Variants in EFHB observed in about 807,000 individuals in gnomAD.
EFHB encodes the protein EF-hand domain-containing family member B.
A neutral mutation model predicts 87.2 loss-of-function variants in EFHB; 91 were observed. The observed-to-expected ratio is 1.04, with a 90% CI of 0.88 to 1.24. The LOEUF (loss-of-function observed/expected upper bound fraction) is 1.24. Among genes scored for constraint, EFHB ranks in the 50% most tolerant of loss-of-function variants. The pLI, the probability that EFHB is intolerant of heterozygous loss-of-function variation, is 0.00. For synonymous variants in EFHB, 325 were observed against 333.6 expected (o/e 0.97, Z 0.28); for missense variants, 1,084 against 998.8 (o/e 1.09, Z -1.15).
rs747162397 is a variant in EFHB at position 19,933,421 on chromosome 3, C to A, written c.598G>T (p.Glu200Ter). 5.0e-6 allele frequency: 8 copies of A among 1,613,982 alleles called. No individual in the cohort carries two copies. The highest frequency in any genetic ancestry group is 5.9e-6 in the Non-Finnish European group (7 of 1,179,890). Residue 200 changes from glutamate to a stop codon, truncating the protein, a stop_gained, in exon 1 of 13, where the codon GAG becomes TAG. Transcript: ENST00000295824. LOFTEE classifies it high-confidence loss of function. ...GTATTCTTAGTCTCATCTGGCCCCT[C>A]GGCTTGGGTTAGTCCAATGTCCACC... ...VEVDIGLTQA[E>*]GPDETKNTEP...
intron 1 of EFHB, chr3:19,941,238 C>A: frequency 3.2e-6 from 1 of 312,372 alleles, no homozygotes; most frequent in East Asian, 8.1e-5. Context: ...CTATAGGGTC[C>A]AGGTGTCACA....
chr3:19,883,531 G>A (rs1217117996), intron 11 of EFHB, among the ~76,000 whole-genome samples: 1 of 152,102 alleles, frequency 6.6e-6, no homozygotes, highest in African/African-American at 2.4e-5. Flanking sequence ...TATTCATCAT[G>A]CTTCATATTG....
intron 7 of EFHB, 77 bp downstream of exon 7, chr3:19,899,355 C>T: frequency 9.7e-7 from 1 of 1,025,746 alleles, no homozygotes; most frequent in Non-Finnish European, 1.4e-6. Flanking sequence ...CTAATAGGCA[C>T]ACCAACAGTT....
upstream of EFHB, among the ~76,000 whole-genome samples, chr3:19,934,440 C>CCTCTCT (rs146405018): frequency 0.64 from 90,613 of 142,136 alleles, 29,580 homozygotes; most frequent in African/African-American, 0.71. Flanking sequence ...TTGCCCTCTC[C>CCTCTCT]CTCTCTCTCC....
intron 1 of EFHB, among the ~76,000 whole-genome samples, chr3:19,920,884 T>C (rs1440002907): frequency 6.6e-6 from 1 of 152,122 alleles, no homozygotes; most frequent in East Asian, 1.9e-4. Flanking sequence ...TTCTCATAGA[T>C]CACAGGTTAA....
At chr3:19,914,706 A>G (rs1048950451) in intron 5 of EFHB, among the ~76,000 whole-genome samples, 1 of 152,170 alleles carries the variant, frequency 6.6e-6, no homozygotes, top group Non-Finnish European at 1.5e-5. Flanking sequence ...AAGATAGTAA[A>G]TGGATGAGCT....
chr3:19,884,152 A>G (rs137978435), intron 11 of EFHB, among the ~76,000 whole-genome samples: 97 of 152,242 alleles, frequency 6.4e-4, no homozygotes, highest in African/African-American at 2.0e-3. Flanking sequence ...ATAACATTCA[A>G]TGTTCTGATC....
At chr3:19,906,038 T>C (rs947184994) in intron 5 of EFHB, among the ~76,000 whole-genome samples, 1 of 152,174 alleles carries the variant, frequency 6.6e-6, no homozygotes, top group African/African-American at 2.4e-5. Flanking sequence ...CTAATGAATT[T>C]GGCTGGGCAC....
rs1242929597 is a variant in EFHB, at chr3:19,930,106, C to T, written c.789+3124G>A. The stretch of plus-strand genomic sequence containing the variant: ...GAATAGCCATATTAATATAGTAAGC[C>T]ACCAATAAATATTAATAATCGTGAA... On this transcript the variant is annotated intron_variant, in intron 1 of 12. Coordinates refer to ENST00000295824, the MANE Select transcript of EFHB (RefSeq NM_144715.4). 2.0e-5 allele frequency among the ~76,000 whole-genome samples: 3 copies of T among 152,074 alleles called. No homozygotes were observed. The South Asian group carries it at 6.2e-4, about 32-fold the overall frequency.
intron 9 of EFHB, 190 bp downstream of exon 9, chr3:19,896,497 T>C (rs1252667035): frequency 6.3e-6 from 5 of 788,028 alleles, no homozygotes; most frequent in Non-Finnish European, 1.1e-5. Context: ...GTATTCATAC[T>C]GCAAAAGCAG....
In EFHB at chr3:19,907,348, G is replaced by A. The variant is rs112117049; in HGVS notation, c.1289-1599C>T. On this transcript the variant is annotated intron_variant, in intron 5 of 12. Transcript: ENST00000295824. ...ATATGTAGCTCAATTCTTAAAATGG[G>A]TGAAGAACTTTAATATTTAGAAAGT... Among the ~76,000 whole-genome samples the A allele has an allele frequency of 5.7e-3, 869 of 152,226 alleles. 6 individuals are homozygous for A. Among genetic ancestry groups the A allele is most frequent in the African/African-American group, 0.02 (828 of 41,528 alleles).
intron 1 of EFHB, chr3:19,945,818 C>G (rs1696262404): frequency 6.6e-6 from 1 of 152,192 alleles, no homozygotes; most frequent in Non-Finnish European, 1.5e-5. Flanking sequence ...TTCAAATCAT[C>G]TTAATTGCAC....
At chr3:19,937,103 A>T (rs1009863399), upstream of EFHB, among the ~76,000 whole-genome samples, 6 of 151,864 alleles carry the variant, frequency 4.0e-5, no homozygotes, top group African/African-American at 1.5e-4. Context: ...GGGGAGGCAG[A>T]GGTTGCAGTG....
At chr3:19,939,370 C>CTT (rs147510880) in intron 1 of EFHB, among the ~76,000 whole-genome samples, 7,253 of 64,364 alleles carry the variant, frequency 0.11, 1,850 homozygotes, top group Non-Finnish European at 0.16. Context: ...GTTGGGTCTC[C>CTT]TTTTTTTTTT....
intron 1 of EFHB, among the ~76,000 whole-genome samples, chr3:19,932,032 C>G (rs557923618): frequency 6.6e-6 from 1 of 152,192 alleles, no homozygotes; most frequent in Non-Finnish European, 1.5e-5. Flanking sequence ...ACTGGACATT[C>G]ATTTGCCACC....
chr3:19,934,312 TCTCA>T (rs1695950247), upstream of EFHB: 5 of 1,228,718 alleles, frequency 4.1e-6, no homozygotes, highest in Non-Finnish European at 5.2e-6. Flanking sequence ...TCTCTCTCTC[TCTCA>T]ATCTCTCTCT....
rs770531068 is a variant in EFHB, at chr3:19,896,779, G to A, written c.1633C>T (p.Arg545Ter). 3.0e-5 allele frequency: 48 copies of A among 1,613,870 alleles called. No homozygotes were observed. The highest frequency in any genetic ancestry group is 1.6e-4 in the Middle Eastern group (1 of 6,084). ...DEYLRGKDRQRALIAAVRHHL... is the reference protein window; with the variant it reads ...DEYLRGKDRQ ...TGCCGAACTGCTGCAATCAGGGCTC[G>A]CTGTCTATCCTTGCCTCGAAGATAT... Residue 545 changes from arginine (R) to a stop codon, truncating the protein, a stop_gained, in exon 9 of 13, where the codon CGA becomes TGA. Transcript: ENST00000295824. LOFTEE classifies it high-confidence loss of function.
At chr3:19,899,775 T>G (rs1313578877) in intron 6 of EFHB, among the ~76,000 whole-genome samples, 1 of 152,204 alleles carries the variant, frequency 6.6e-6, no homozygotes, top group Non-Finnish European at 1.5e-5. Context: ...ATATCACTAT[T>G]GTAAGTGTAG....
At chr3:19,908,579 AGAGAGAGAGAGAGAG>A (rs1559459546) in intron 5 of EFHB, among the ~76,000 whole-genome samples, 3 of 113,872 alleles carry the variant, frequency 2.6e-5, no homozygotes, top group African/African-American at 4.1e-5. Context: ...AGAGAGAGAG[AGAGAGAGAGAGAGAG>A]AGAGAGAAAG....
Sources: gnomAD v4.1 joint callset for allele counts (sites outside exome capture counted in the v4.1 genomes callset) on GRCh38, gnomAD v4.1.1 for gene constraint, MANE v1.5 for transcripts, NCBI Gene and HGNC (gene_info 2026-07-23, HGNC 2026-07-21) for gene names.